Variants in ATG2B observed in about 807,000 individuals in gnomAD.
The protein encoded by ATG2B is autophagy-related protein 2 homolog B.
ATG2B carries 121 observed loss-of-function variants against 241.3 expected under a neutral mutation model. The observed-to-expected ratio is 0.50, with a 90% CI of 0.43 to 0.58. ATG2B has a LOEUF of 0.58. Ranked by LOEUF, ATG2B falls within the 20% of genes least tolerant of loss-of-function variation. ATG2B has a pLI of 0.00. For missense variants in ATG2B, 2,306 were observed against 2,491.6 expected, an observed-to-expected ratio of 0.93 and a Z score of 1.59; for synonymous variants, 858 against 876.6, an observed-to-expected ratio of 0.98 and a Z score of 0.37.
intron 13 of ATG2B, 22 bp downstream of exon 13, chr14:96,328,652 A>G (rs1458849917): frequency 1.3e-6 from 2 of 1,579,750 alleles, no homozygotes; most frequent in African/African-American, 1.4e-5. Flanking sequence ...ACAGGTGGCA[A>G]TTATAGAAAA....
In ATG2B at chr14:96,332,363, T is replaced by C; in HGVS notation, c.1410A>G (p.Pro470=). ...GEFLDHHKEQ[P]VRGSTFPSNL... ...TGGATGGAAATGTTGACCCTCTTACTGGCTGTTCTTTATGATGATCAAGGA... is the reference window on the plus strand; with the variant it reads ...TGGATGGAAATGTTGACCCTCTTACCGGCTGTTCTTTATGATGATCAAGGA... Residue 470 remains proline (P), a synonymous_variant, in exon 10 of 42, where the codon CCA becomes CCG. Coordinates refer to ENST00000359933, the MANE Select transcript of ATG2B (RefSeq NM_018036.7). 1 of 1,613,958 alleles carries C rather than the reference T, an allele frequency of 6.2e-7. No individual in the cohort carries two copies. Among genetic ancestry groups the C allele is most frequent in the Non-Finnish European group, 8.5e-7 (1 of 1,179,834 alleles).
At position 96,328,370 on chromosome 14, in the gene ATG2B, A is replaced by C. The variant is rs1887638666; in HGVS notation, c.2140T>G (p.Ser714Ala). 6.2e-7 allele frequency: 1 copy of C among 1,609,158 alleles called. No individual in the cohort carries two copies. Among genetic ancestry groups the C allele is most frequent in the African/African-American group, 1.3e-5 (1 of 74,642 alleles). ...ACCAGACTAATATGTTTATTATATG[A>C]AGTATACATGTGGGATGCCATCATC... ...VEMMASHMYT[S>A]YNKHISLHKA... Residue 714 changes from serine to alanine, a missense_variant, in exon 14 of 42, where the codon TCA (serine) becomes GCA (alanine). Physicochemically the swap from Ser to Ala is moderately conservative, Grantham distance 99. This residue lies in a region of ATG2B where 1,927 missense variants were observed against 2,011.2 expected (regional missense o/e 0.96). Coordinates refer to ENST00000359933, the MANE Select transcript of ATG2B (RefSeq NM_018036.7).
chr14:96,291,023 AT>A, intron 38 of ATG2B, 88 bp from the exon 39 acceptor site: 1 of 1,216,984 alleles, frequency 8.2e-7, no homozygotes, highest in Admixed American at 2.7e-5. Context: ...CTTAAAACAA[AT>A]TCTACAAATT....
chr14:96,291,392 GT>G (rs1231054267), intron 38 of ATG2B, among the ~76,000 whole-genome samples: 3 of 152,184 alleles, frequency 2.0e-5, no homozygotes, highest in African/African-American at 7.2e-5. Flanking sequence ...AACTATAACT[GT>G]TTTTTCCAAA....
intron 30 of ATG2B, 30 bp from the exon 31 acceptor site, chr14:96,305,845 C>A (rs777058541): frequency 1.0e-5 from 16 of 1,555,252 alleles, no homozygotes; most frequent in Non-Finnish European, 1.4e-5. Flanking sequence ...AACACATACT[C>A]TCTTTTCTAA....
At position 96,289,766 on chromosome 14, in the gene ATG2B, T is replaced by C; in HGVS notation, c.5896A>G (p.Thr1966Ala). 6.2e-7 allele frequency: 1 copy of C among 1,614,066 alleles called. No homozygotes were observed. Among genetic ancestry groups the C allele is most frequent in the Non-Finnish European group, 8.5e-7 (1 of 1,179,990 alleles). ...GTCTTCTTGGGCTCGATAGAAAGGG[T>C]ACCAGGAGACACCATATCATAAGCA... The part of the protein sequence containing the change: ...ETAYDMVSPG[T>A]LSIEPKKTKR... The change falls in exon 41 of 42, where the codon ACC (threonine) becomes GCC (alanine). Residue 1966 changes from threonine (T) to alanine (A), a missense_variant. This residue lies in a region of ATG2B where 379 missense variants were observed against 480.4 expected (regional missense o/e 0.79). Coordinates refer to ENST00000359933, the MANE Select transcript of ATG2B (RefSeq NM_018036.7). The surrounding 1 kb of genome is among the most constrained non-coding windows in gnomAD (Gnocchi z 4.3).
chr14:96,344,868 G>C (rs922257667), intron 3 of ATG2B, 112 bp from the exon 4 acceptor site: 3 of 517,448 alleles, frequency 5.8e-6, no homozygotes, highest in African/African-American at 4.0e-5. Context: ...ACAAAATAAA[G>C]AAGCTGAATT....
chr14:96,335,538 G>A (rs1887847881), intron 6 of ATG2B, among the ~76,000 whole-genome samples: 1 of 152,048 alleles, frequency 6.6e-6, no homozygotes, highest in Admixed American at 6.6e-5. Flanking sequence ...TATAGGTGAA[G>A]AAATGAGTTC....
intron 23 of ATG2B, among the ~76,000 whole-genome samples, chr14:96,313,901 T>C (rs541259346): frequency 6.6e-6 from 1 of 152,306 alleles, no homozygotes; most frequent in East Asian, 1.9e-4. Flanking sequence ...TGCTAAAGAC[T>C]GCTTAAAACT....
chr14:96,331,499 A>G lies in ATG2B; in HGVS notation c.1607T>C (p.Leu536Ser), dbSNP rs1354613411. 1.2e-6 allele frequency: 2 copies of G among 1,614,010 alleles called. No individual in the cohort carries two copies. Among genetic ancestry groups the G allele is most frequent in the East Asian group, 2.2e-5 (1 of 44,880 alleles). ...AAAGAAAGCTACTGCCATAGGTGTCAATGGATTAAGGTTCTGTGACGTTTC... is the reference window on the plus strand; with the variant it reads ...AAAGAAAGCTACTGCCATAGGTGTCGATGGATTAAGGTTCTGTGACGTTTC... ...PPETSQNLNP[L>S]TPMAVAFFTC... Residue 536 changes from leucine (L) to serine (S), a missense_variant, in exon 11 of 42, where the codon TTG (leucine) becomes TCG (serine). Physicochemically the swap from Leu to Ser is moderately radical, Grantham distance 145 (BLOSUM62 -2). This residue lies in a region of ATG2B where 1,927 missense variants were observed against 2,011.2 expected (regional missense o/e 0.96). Coordinates refer to ENST00000359933, the MANE Select transcript of ATG2B (RefSeq NM_018036.7).
At chr14:96,321,926 G>A (rs1887467544) in intron 18 of ATG2B, among the ~76,000 whole-genome samples, 186 bp downstream of exon 18, 6 of 152,060 alleles carry the variant, frequency 3.9e-5, no homozygotes, top group African/African-American at 1.4e-4. Flanking sequence ...CCGGCACCAC[G>A]CTAGTTAGGA....
At chr14:96,311,868 TA>T (rs1238668846) in intron 26 of ATG2B, among the ~76,000 whole-genome samples, 4 of 152,194 alleles carry the variant, frequency 2.6e-5, no homozygotes, top group African/African-American at 9.6e-5. Flanking sequence ...ACTAGCATTA[TA>T]AGAACATTAC....
chr14:96,345,375 A>C lies in ATG2B; in HGVS notation c.336T>G (p.Ser112=). 6.3e-7 allele frequency: 1 copy of C among 1,599,586 alleles called. No individual in the cohort carries two copies. The highest frequency in any genetic ancestry group is 8.5e-7 in the Non-Finnish European group (1 of 1,175,524). ...FRPRPRPATG[S]EPMYWSSFMT... ...TAAAACTTGACCAATACATAGGCTCAGAACCAGTTGCTGTGGAAAATATAA... is the reference window on the plus strand; with the variant it reads ...TAAAACTTGACCAATACATAGGCTCCGAACCAGTTGCTGTGGAAAATATAA... The change falls in exon 3 of 42, where the codon TCT becomes TCG. Residue 112 remains serine, a synonymous_variant. Transcript: ENST00000359933.
intron 32 of ATG2B, among the ~76,000 whole-genome samples, chr14:96,304,014 A>T (rs138802976): frequency 9.2e-5 from 14 of 152,380 alleles, no homozygotes; most frequent in African/African-American, 3.1e-4. Flanking sequence ...CACTTGGTAC[A>T]ATCTCAGACA....
At chr14:96,326,298 A>G (rs1352702949) in intron 14 of ATG2B, among the ~76,000 whole-genome samples, 1 of 152,206 alleles carries the variant, frequency 6.6e-6, no homozygotes, top group East Asian at 1.9e-4. Flanking sequence ...TCCAACATTC[A>G]GTTTGAAAGA....
At chr14:96,327,219 G>C (rs1231257033) in intron 14 of ATG2B, among the ~76,000 whole-genome samples, 1 of 114,264 alleles carries the variant, frequency 8.8e-6, no homozygotes, top group Non-Finnish European at 1.8e-5. Context: ...CTGGGCAACA[G>C]ATGTCTGTCT....
At position 96,311,553 on chromosome 14, in the gene ATG2B, C is replaced by G; in HGVS notation, c.3979G>C (p.Asp1327His). ...LTITAVKSDS[D>H]GEQTEPRFEL... ...TTTTAATAACTCACTTGCTCTCCAT[C>G]AGAATCAGACTTCACTGCAGTTATG... Residue 1327 changes from aspartate (D) to histidine (H), a missense_variant, in exon 27 of 42, where the codon GAT becomes CAT. Physicochemically the swap from Asp to His is moderately conservative, Grantham distance 81. Coordinates refer to ENST00000359933, the MANE Select transcript of ATG2B (RefSeq NM_018036.7). 6.2e-7 allele frequency: 1 copy of G among 1,603,840 alleles called. No individual in the cohort carries two copies.
chr14:96,322,229 T>G lies in ATG2B; in HGVS notation c.2762A>C (p.Glu921Ala). The G allele has an allele frequency of 6.3e-7, 1 of 1,596,170 alleles. No homozygotes were observed. Among genetic ancestry groups the G allele is most frequent in the Non-Finnish European group, 8.5e-7 (1 of 1,175,090 alleles). Reference sequence around the variant, plus strand: ...TGCTTTATCCTGAAATTCTGTCATTTCTACAGGGTCTCCTGGCATCACCAT... The same window carrying G: ...TGCTTTATCCTGAAATTCTGTCATTGCTACAGGGTCTCCTGGCATCACCAT... ...EQMVMPGDPV[E>A]MTEFQDKAIS... Residue 921 changes from glutamate (E) to alanine (A), a missense_variant, in exon 18 of 42, where the codon GAA (glutamate) becomes GCA (alanine). Around this residue, in one of 2 missense-constraint regions of ATG2B, gnomAD observed 1,927 missense variants for 2,011.2 expected, o/e 0.96. Transcript: ENST00000359933.
chr14:96,285,994 AGGAG>A lies in ATG2B; in HGVS notation c.6007-13_6007-10del. ...GCCGTGTCTGTGATTCCCTGCGTAG[AGGAG>A]GGAGGTAGGAGAGAGGAGGGCAGTG... On this transcript the variant is annotated splice_polypyrimidine_tract_variant and intron_variant, in intron 41 of 41. Transcript: ENST00000359933. The surrounding 1 kb of genome is among the most constrained non-coding windows in gnomAD (Gnocchi z 4.2). 1 of 1,603,492 alleles carries A rather than the reference AGGAG, an allele frequency of 6.2e-7. No individual in the cohort carries two copies. The highest frequency in any genetic ancestry group is 8.5e-7 in the Non-Finnish European group (1 of 1,172,138).
Sources: gnomAD v4.1 joint callset for allele counts (sites outside exome capture counted in the v4.1 genomes callset) on GRCh38, gnomAD v4.1.1 for gene constraint, gnomAD v4.1.1 regional missense constraint, Gnocchi (gnomAD v3.1) non-coding constraint, MANE v1.5 for transcripts, NCBI Gene and HGNC (gene_info 2026-07-23, HGNC 2026-07-21) for gene names.